TBL1XR1: variants seen among roughly 807,000 people sequenced by gnomAD.
TBL1XR1 encodes the protein F-box-like/WD repeat-containing protein TBL1XR1.
TBL1XR1 carries 5 observed loss-of-function variants against 66.9 expected under a neutral mutation model. That is an observed-to-expected ratio of 0.07 (90% CI 0.04 to 0.16). TBL1XR1 has a LOEUF of 0.16. Ranked by LOEUF, TBL1XR1 falls within the 10% of genes least tolerant of loss-of-function variation. The pLI is 1.00. For missense variants in TBL1XR1, 238 were observed against 623.2 expected (o/e 0.38, Z 6.58); for synonymous variants, 210 against 206.0 (o/e 1.02, Z -0.17).
intron 3 of TBL1XR1, among the ~76,000 whole-genome samples, chr3:177,057,180 G>C (rs1332879703): frequency 6.6e-6 from 1 of 152,110 alleles, no homozygotes; most frequent in East Asian, 1.9e-4. Flanking sequence ...TGAATATGCT[G>C]TGTTATACAT....
chr3:177,084,963 T>C (rs1259816293), intron 2 of TBL1XR1, among the ~76,000 whole-genome samples: 2 of 152,232 alleles, frequency 1.3e-5, no homozygotes, highest in Non-Finnish European at 2.9e-5. Flanking sequence ...CTCTCTACTA[T>C]TCTTCTGAGC....
At chr3:177,080,424 G>A (rs1721254995) in intron 2 of TBL1XR1, among the ~76,000 whole-genome samples, 1 of 151,948 alleles carries the variant, frequency 6.6e-6, no homozygotes, top group Non-Finnish European at 1.5e-5. Flanking sequence ...TGAAATAACT[G>A]AACAAAGAAT....
chr3:177,079,128 G>A (rs957798554), intron 2 of TBL1XR1, among the ~76,000 whole-genome samples: 6 of 150,078 alleles, frequency 4.0e-5, no homozygotes, highest in Non-Finnish European at 7.4e-5. Flanking sequence ...TTGGGATGTC[G>A]GTATTTCACA....
chr3:177,097,317 C>A (rs1462635645), intron 2 of TBL1XR1, among the ~76,000 whole-genome samples: 1 of 152,016 alleles, frequency 6.6e-6, no homozygotes, highest in Non-Finnish European at 1.5e-5. Context: ...AGTAAAAATT[C>A]ATTTATCTTC....
chr3:177,131,832 A>G (rs1403955200), intron 1 of TBL1XR1, among the ~76,000 whole-genome samples: 1 of 151,766 alleles, frequency 6.6e-6, no homozygotes, highest in Non-Finnish European at 1.5e-5. Context: ...CTTAAAACAC[A>G]TTAACGAATT....
intron 1 of TBL1XR1, among the ~76,000 whole-genome samples, chr3:177,149,796 A>G (rs1489200669): frequency 1.3e-5 from 2 of 152,224 alleles, no homozygotes; most frequent in Admixed American, 6.5e-5. Context: ...ACTGGAACAC[A>G]GCCGTGCTTA....
Position 177,058,213 on chromosome 3 carries a change from T to C in TBL1XR1, c.59-4295A>G, listed in dbSNP as rs186330576. On this transcript the variant is annotated intron_variant, in intron 3 of 15. Transcript: ENST00000457928. ...AAAATCTGATTGATCCAAGGTCCTA[T>C]ATAAGCTTCAAGTCAGAAAAGCTCA... 2.0e-3 allele frequency among the ~76,000 whole-genome samples: 306 copies of C among 152,292 alleles called. 2 individuals are homozygous for C. Among genetic ancestry groups the C allele is most frequent in the Middle Eastern group, 6.8e-3 (2 of 294 alleles).
rs755371824 is a variant in TBL1XR1, at chr3:177,033,096, G to C, written c.1291C>G (p.Arg431Gly). The C allele has an allele frequency of 6.3e-7, 1 of 1,597,148 alleles. No homozygotes were observed. The highest frequency in any genetic ancestry group is 1.3e-5 in the African/African-American group (1 of 74,526). The change falls in exon 14 of 16, where the codon CGA becomes GGA. Residue 431 changes from arginine (R) to glycine (G), a missense_variant. Arg to Gly is a moderately radical substitution (Grantham distance 125, BLOSUM62 -2). This residue lies in a region of TBL1XR1 where 89 missense variants were observed against 220.2 expected (regional missense o/e 0.40). Coordinates refer to ENST00000457928, the MANE Select transcript of TBL1XR1 (RefSeq NM_024665.7). ...DSTVRLWDVDRGICIHTLTKH... is the reference protein window; with the variant it reads ...DSTVRLWDVDGGICIHTLTKH... ...GTCAAGGTATGGATGCATATCCCTC[G>C]GTCTACATCCCATAACCTAACAGTA...
At chr3:177,094,376 A>G (rs1450499635) in intron 2 of TBL1XR1, among the ~76,000 whole-genome samples, 4 of 152,208 alleles carry the variant, frequency 2.6e-5, no homozygotes, top group Non-Finnish European at 5.9e-5. Context: ...TGCTGGTGGG[A>G]ATGTAAACTA....
At chr3:177,096,974 G>A (rs1403312779) in intron 2 of TBL1XR1, among the ~76,000 whole-genome samples, 1 of 152,056 alleles carries the variant, frequency 6.6e-6, no homozygotes, top group Non-Finnish European at 1.5e-5. Context: ...AGGATGCAGA[G>A]GAGGAGAACA....
intron 9 of TBL1XR1, among the ~76,000 whole-genome samples, chr3:177,046,527 A>T (rs1197396764): frequency 6.6e-6 from 1 of 152,178 alleles, no homozygotes; most frequent in Non-Finnish European, 1.5e-5. Flanking sequence ...AGTAAGAGAG[A>T]AGTTCTTGGT....
chr3:177,147,950 G>A (rs1194292484), intron 1 of TBL1XR1, among the ~76,000 whole-genome samples: 2 of 152,176 alleles, frequency 1.3e-5, no homozygotes, highest in Non-Finnish European at 2.9e-5. Context: ...ACATTTCACA[G>A]GGGACACAGA....
chr3:177,184,223 C>G (rs1463510926), intron 1 of TBL1XR1, among the ~76,000 whole-genome samples: 1 of 152,188 alleles, frequency 6.6e-6, no homozygotes, highest in African/African-American at 2.4e-5. Context: ...GCATTAAAAT[C>G]TAATATATCT....
chr3:177,050,676 T>A, intron 5 of TBL1XR1, 66 bp from the exon 6 acceptor site: 1 of 1,577,116 alleles, frequency 6.3e-7, no homozygotes, highest in South Asian at 1.1e-5. Flanking sequence ...GATGGGTGAT[T>A]TCTTAACTAG....
At chr3:177,040,195 G>T (rs1217522889) in intron 10 of TBL1XR1, among the ~76,000 whole-genome samples, 1 of 152,086 alleles carries the variant, frequency 6.6e-6, no homozygotes, top group African/African-American at 2.4e-5. Flanking sequence ...CATGCCTATA[G>T]TCCCAGCTAC....
At chr3:177,083,299 T>A (rs1414484328) in intron 2 of TBL1XR1, among the ~76,000 whole-genome samples, 1 of 150,718 alleles carries the variant, frequency 6.6e-6, no homozygotes, top group East Asian at 1.9e-4. Flanking sequence ...TATGTATCCA[T>A]CCCCTCCAAA....
chr3:177,104,271 G>C (rs1291764639), intron 1 of TBL1XR1, among the ~76,000 whole-genome samples: 2 of 152,022 alleles, frequency 1.3e-5, no homozygotes, highest in African/African-American at 2.4e-5. Flanking sequence ...AATTAAGAAA[G>C]AAACAAAAAC....
rs541246251 is a variant in TBL1XR1 at position 177,134,431 on chromosome 3, G to C, written c.-121-35890C>G. Among the ~76,000 whole-genome samples, 16 of 152,308 alleles carry C rather than the reference G, an allele frequency of 1.1e-4. 1 individual carries two copies. In the South Asian group the frequency reaches 3.3e-3, roughly 32 times the overall value. ...ACACTAGACTTGGAAGCCTAGTACT[G>C]TTGCTACTAAGGGGAATACATGATA... On this transcript the variant is annotated intron_variant, in intron 1 of 15. Coordinates refer to ENST00000457928, the MANE Select transcript of TBL1XR1 (RefSeq NM_024665.7).
rs1042179511 is a variant in TBL1XR1, at chr3:177,180,986, G to A, written c.-122+16135C>T. Among the ~76,000 whole-genome samples, 5 of 152,012 alleles carry A rather than the reference G, an allele frequency of 3.3e-5. 1 individual carries two copies. The South Asian group carries it at 1.0e-3, about 32-fold the overall frequency. On this transcript the variant is annotated intron_variant, in intron 1 of 15. Coordinates refer to ENST00000457928, the MANE Select transcript of TBL1XR1 (RefSeq NM_024665.7). Reference sequence around the variant, plus strand: ...GACCTCAGGTGATCCACCCACCTCGGCCTACCACCAAGTACTAGGATTAGA... The same window carrying A: ...GACCTCAGGTGATCCACCCACCTCGACCTACCACCAAGTACTAGGATTAGA...
Sources: gnomAD v4.1 joint callset for allele counts (sites outside exome capture counted in the v4.1 genomes callset) on GRCh38, gnomAD v4.1.1 for gene constraint, gnomAD v4.1.1 regional missense constraint, MANE v1.5 for transcripts, NCBI Gene and HGNC (gene_info 2026-07-23, HGNC 2026-07-21) for gene names.